Variants in PLCL2 observed in about 807,000 individuals in gnomAD.
PLCL2 encodes the protein inactive phospholipase C-like protein 2.
A neutral mutation model predicts 79.6 loss-of-function variants in PLCL2; 4 were observed. The ratio of observed to expected loss-of-function variants is 0.05; its 90% CI spans 0.02 to 0.11. The LOEUF is 0.11. PLCL2 is among the 10% of genes least tolerant of loss of function. The probability of loss-of-function intolerance (pLI) is 1.00; values close to 1 mark genes in which losing one functional copy is unlikely to be tolerated. For missense variants in PLCL2, 895 were observed against 1,291.0 expected, an observed-to-expected ratio of 0.69 and a Z score of 4.70; for synonymous variants, 484 against 457.7, an observed-to-expected ratio of 1.06 and a Z score of -0.73.
At chr3:17,059,636 C>T (rs2064928229) in intron 4 of PLCL2, among the ~76,000 whole-genome samples, 1 of 151,720 alleles carries the variant, frequency 6.6e-6, no homozygotes, top group African/African-American at 2.4e-5. Context: ...GTGTTATTTG[C>T]TAACATTTGC....
At chr3:16,900,454 A>G (rs1445274215) in intron 1 of PLCL2, among the ~76,000 whole-genome samples, 1 of 152,216 alleles carries the variant, frequency 6.6e-6, no homozygotes, top group Non-Finnish European at 1.5e-5. Context: ...TAAACTCTGT[A>G]TCTCACCGTA....
At chr3:16,904,295 A>G (rs1696698948) in intron 1 of PLCL2, among the ~76,000 whole-genome samples, 1 of 151,406 alleles carries the variant, frequency 6.6e-6, no homozygotes, top group African/African-American at 2.4e-5. Flanking sequence ...AACCTTTTCA[A>G]GAGATCTTGA....
At chr3:16,938,230 A>C (rs1697590440) in intron 1 of PLCL2, among the ~76,000 whole-genome samples, 3 of 152,192 alleles carry the variant, frequency 2.0e-5, no homozygotes, top group South Asian at 4.1e-4. Context: ...TGGATAATTA[A>C]ATTAAGATGA....
chr3:16,918,094 A>G (rs1398850492), intron 1 of PLCL2, among the ~76,000 whole-genome samples: 1 of 152,194 alleles, frequency 6.6e-6, no homozygotes, highest in Non-Finnish European at 1.5e-5. Flanking sequence ...GCATGACTGA[A>G]TCAAAGGAGC....
chr3:16,972,562 C>A (rs1008279207), intron 1 of PLCL2, among the ~76,000 whole-genome samples: 1 of 152,144 alleles, frequency 6.6e-6, no homozygotes, highest in Non-Finnish European at 1.5e-5. Flanking sequence ...CCTTGATGAT[C>A]TAACATTGTT....
intron 1 of PLCL2, among the ~76,000 whole-genome samples, chr3:16,979,279 C>G (rs2063956316): frequency 6.6e-6 from 1 of 151,758 alleles, no homozygotes; most frequent in African/African-American, 2.4e-5. Flanking sequence ...CATATATGAA[C>G]CCTATTTAAA....
intron 3 of PLCL2, among the ~76,000 whole-genome samples, chr3:17,034,015 G>A (rs1017724386): frequency 6.6e-6 from 1 of 152,112 alleles, no homozygotes; most frequent in Admixed American, 6.5e-5. Context: ...AGTTACAGCC[G>A]ATCCTTGAAT....
intron 5 of PLCL2, among the ~76,000 whole-genome samples, chr3:17,082,622 C>G (rs1296508435): frequency 6.6e-6 from 1 of 152,092 alleles, no homozygotes; most frequent in East Asian, 1.9e-4. Flanking sequence ...TTTAAGATAC[C>G]ATGATTACTT....
chr3:17,036,544 T>C (rs1398388529), intron 3 of PLCL2, among the ~76,000 whole-genome samples: 1 of 152,218 alleles, frequency 6.6e-6, no homozygotes, highest in Non-Finnish European at 1.5e-5. Flanking sequence ...GATTATATTG[T>C]TAACTCAGAG....
intron 4 of PLCL2, among the ~76,000 whole-genome samples, chr3:17,050,229 C>T (rs568533189): frequency 6.6e-6 from 1 of 152,202 alleles, no homozygotes; most frequent in East Asian, 1.9e-4. Flanking sequence ...TGCAAGAAAA[C>T]ATTGGGGAAA....
Position 16,962,142 on chromosome 3 carries a change from T to C in PLCL2, c.328-47532T>C, listed in dbSNP as rs558926533. ...GGGATAAGTAGACATTTTCCTCTTA[T>C]GGCAGTACATATGTAAGGAATAGAC... On this transcript the variant is annotated intron_variant, in intron 1 of 5. Coordinates refer to ENST00000615277, the MANE Select transcript of PLCL2 (RefSeq NM_001144382.2). 2.0e-5 allele frequency among the ~76,000 whole-genome samples: 3 copies of C among 152,280 alleles called. No homozygotes were observed. The East Asian group carries it at 5.8e-4, about 29-fold the overall frequency.
intron 1 of PLCL2, among the ~76,000 whole-genome samples, chr3:16,950,181 G>C (rs1481935397): frequency 6.6e-6 from 1 of 152,034 alleles, no homozygotes; most frequent in Non-Finnish European, 1.5e-5. Context: ...AATTCCATTT[G>C]GGATTTTGTT....
chr3:17,006,443 A>C (rs1367199537), intron 1 of PLCL2, among the ~76,000 whole-genome samples: 1 of 152,198 alleles, frequency 6.6e-6, no homozygotes, highest in Non-Finnish European at 1.5e-5. Flanking sequence ...TCCCAGCCAG[A>C]GATTCTGGTC....
At chr3:16,975,914 T>G (rs980449644) in intron 1 of PLCL2, among the ~76,000 whole-genome samples, 1 of 152,132 alleles carries the variant, frequency 6.6e-6, no homozygotes, top group Non-Finnish European at 1.5e-5. Context: ...GGCTCAGGTC[T>G]GGTGTGATGG....
At chr3:16,965,172 A>T (rs1184631630) in intron 1 of PLCL2, among the ~76,000 whole-genome samples, 2 of 152,288 alleles carry the variant, frequency 1.3e-5, no homozygotes, top group East Asian at 1.9e-4. Context: ...TTAAGTCTTT[A>T]ATCCATCTTG....
chr3:16,954,256 A>T (rs1354409113), intron 1 of PLCL2, among the ~76,000 whole-genome samples: 2 of 152,052 alleles, frequency 1.3e-5, no homozygotes, highest in African/African-American at 4.8e-5. Flanking sequence ...AATTCCCACC[A>T]ATGAGTGAGC....
At chr3:16,974,526 G>A (rs2063904703) in intron 1 of PLCL2, among the ~76,000 whole-genome samples, 1 of 152,178 alleles carries the variant, frequency 6.6e-6, no homozygotes, top group South Asian at 2.1e-4. Flanking sequence ...GACCAGCTAT[G>A]TCTAGTTTGC....
intron 2 of PLCL2, among the ~76,000 whole-genome samples, chr3:17,013,431 AACAG>A (rs1240364840): frequency 6.6e-6 from 1 of 152,188 alleles, no homozygotes; most frequent in African/African-American, 2.4e-5. Flanking sequence ...GGGAAGGGGA[AACAG>A]ACAGGAGGCA....
intron 1 of PLCL2, among the ~76,000 whole-genome samples, chr3:16,972,949 G>A (rs560467817): frequency 6.6e-6 from 1 of 152,118 alleles, no homozygotes; most frequent in South Asian, 2.1e-4. Flanking sequence ...TTGCTACTCT[G>A]TGCCTTTTAA....
Sources: allele counts gnomAD v4.1 joint callset (sites outside exome capture counted in the v4.1 genomes callset), GRCh38; gene constraint gnomAD v4.1.1; transcripts MANE v1.5; gene names NCBI Gene and HGNC (gene_info 2026-07-23, HGNC 2026-07-21).